FAM91A1: variants seen among roughly 807,000 people sequenced by gnomAD.
FAM91A1 encodes protein FAM91A1.
Under a neutral mutation model 113.5 loss-of-function variants are expected in FAM91A1, and 41 were observed. The ratio of observed to expected loss-of-function variants is 0.36; its 90% CI spans 0.28 to 0.47. The LOEUF (loss-of-function observed/expected upper bound fraction) is 0.47. FAM91A1 is among the 20% of genes least tolerant of loss of function. The probability of loss-of-function intolerance (pLI) is 1.00; values close to 1 mark genes in which losing one functional copy is unlikely to be tolerated. For synonymous variants in FAM91A1, 307 were observed against 347.9 expected, an observed-to-expected ratio of 0.88 and a Z score of 1.31; for missense variants, 696 against 1,001.2, an observed-to-expected ratio of 0.70 and a Z score of 4.11.
chr8:123,805,237 G>A (rs1386462904), intron 18 of FAM91A1, 30 bp from the exon 19 acceptor site: 4 of 1,558,888 alleles, frequency 2.6e-6, no homozygotes, highest in Non-Finnish European at 3.5e-6. Context: ...AAGGTTTCTT[G>A]TATACCTTTT....
intron 9 of FAM91A1, 132 bp downstream of exon 9, chr8:123,784,708 A>G (rs1432649050): frequency 2.3e-5 from 12 of 526,476 alleles, no homozygotes; most frequent in Non-Finnish European, 3.5e-5. Context: ...ATTACACTTA[A>G]ATGTCATTAT....
At chr8:123,770,914 C>G (rs1306215611) in intron 1 of FAM91A1, among the ~76,000 whole-genome samples, 1 of 152,168 alleles carries the variant, frequency 6.6e-6, no homozygotes, top group Non-Finnish European at 1.5e-5. Flanking sequence ...CTAGCCTAAT[C>G]ACTGCTTCCC....
chr8:123,789,545 T>C lies in FAM91A1; in HGVS notation c.1279-68T>C, dbSNP rs1378123208. The C allele has an allele frequency of 4.4e-6, 7 of 1,590,698 alleles. No homozygotes were observed. In the African/African-American group the frequency reaches 6.8e-5, roughly 15 times the overall value. ...TGAATAATGTCTTATATCTCTATTA[T>C]ATGATTATTAGAGTGAATGGCATAA... On this transcript the variant is annotated intron_variant, in intron 14 of 23. Coordinates refer to ENST00000334705, the MANE Select transcript of FAM91A1 (RefSeq NM_144963.4).
chr8:123,774,285 A>G lies in FAM91A1; in HGVS notation c.157+121A>G, dbSNP rs986195575. On this transcript the variant is annotated intron_variant, in intron 2 of 23. Coordinates refer to ENST00000334705, the MANE Select transcript of FAM91A1 (RefSeq NM_144963.4). ...TTATTCCATGTACAGACTTTAAGAA[A>G]CTCTACACTGATCCATTCCACCTAA... 7.3e-6 allele frequency: 5 copies of G among 682,870 alleles called. No individual in the cohort carries two copies. The African/African-American group carries it at 7.4e-5, about 10-fold the overall frequency. The allele number at this position is 682,870 out of a possible 1,614,324, so 42.3% of individuals were successfully genotyped here.
rs201772434 is a variant in FAM91A1 at position 123,814,706 on chromosome 8, A to G, written c.*2002A>G. On this transcript the variant is annotated 3_prime_UTR_variant, in exon 24 of 24. Transcript: ENST00000334705. The stretch of plus-strand genomic sequence containing the variant: ...CGAGCTGAAGACCTCTGGTCCTCTT[A>G]AGGAGGGAGAGTGCATTTTTAGAGC... 6.9e-6 allele frequency: 1 copy of G among 144,906 alleles called. No individual in the cohort carries two copies. The highest frequency in any genetic ancestry group is 1.6e-5 in the Non-Finnish European group (1 of 63,710). 9.0% of individuals were successfully genotyped at this position (144,906 alleles called of 1,614,324 possible).
At chr8:123,810,105 A>G (rs1347621886) in intron 22 of FAM91A1, among the ~76,000 whole-genome samples, 177 bp from the exon 23 acceptor site, 1 of 152,190 alleles carries the variant, frequency 6.6e-6, no homozygotes, top group African/African-American at 2.4e-5. Context: ...ACTACTCCCT[A>G]TTATTAAAAC....
intron 3 of FAM91A1, among the ~76,000 whole-genome samples, chr8:123,776,004 C>G (rs1038454809): frequency 6.6e-6 from 1 of 152,096 alleles, no homozygotes; most frequent in Non-Finnish European, 1.5e-5. Context: ...ATGTATTTAA[C>G]TATTCACTAA....
intron 15 of FAM91A1, 73 bp downstream of exon 15, chr8:123,789,818 C>A: frequency 6.6e-7 from 1 of 1,522,984 alleles, no homozygotes; most frequent in Non-Finnish European, 9.0e-7. Context: ...ACAGATCATG[C>A]TCACTTATAT....
Position 123,815,364 on chromosome 8 carries a change from T to C in FAM91A1, c.*2660T>C, listed in dbSNP as rs947435885. ...CTGTTAGGATGTTAATATTATACAA[T>C]GAAATCTATAAAGTGTTGTCAATTT... is the stretch of plus-strand genomic sequence containing the variant. On this transcript the variant is annotated 3_prime_UTR_variant, in exon 24 of 24. Coordinates refer to ENST00000334705, the MANE Select transcript of FAM91A1 (RefSeq NM_144963.4). 2.0e-5 allele frequency: 3 copies of C among 152,552 alleles called. No homozygotes were observed. The highest frequency in any genetic ancestry group is 4.8e-5 in the African/African-American group (2 of 41,434). The allele number at this position is 152,552 out of a possible 1,614,324, so 9.4% of individuals were successfully genotyped here. A position where few individuals can be genotyped will look rare whatever the true frequency, so the allele number is the denominator to read the frequency against.
At chr8:123,790,511 A>G (rs1016654148) in intron 15 of FAM91A1, among the ~76,000 whole-genome samples, 1 of 152,220 alleles carries the variant, frequency 6.6e-6, no homozygotes, top group South Asian at 2.1e-4. Flanking sequence ...TTGGGGCTTC[A>G]TGGGTCCTCA....
chr8:123,774,559 C>T (rs746084632), intron 2 of FAM91A1, among the ~76,000 whole-genome samples: 2 of 151,932 alleles, frequency 1.3e-5, no homozygotes, highest in African/African-American at 2.4e-5. Flanking sequence ...ACATTTTAAA[C>T]ATAGTTCATT....
chr8:123,798,645 T>G (rs551413128), intron 16 of FAM91A1, among the ~76,000 whole-genome samples: 1 of 152,300 alleles, frequency 6.6e-6, no homozygotes, highest in South Asian at 2.1e-4. Context: ...ACTGTATAAT[T>G]TATATGTGAA....
In FAM91A1 at chr8:123,789,743, A is replaced by G; in HGVS notation, c.1409A>G (p.Tyr470Cys). Residue 470 changes from tyrosine to cysteine, a missense_variant and splice_region_variant, in exon 15 of 24, where the codon TAT (tyrosine) becomes TGT (cysteine). Transcript: ENST00000334705. ...ACTGCACAGCCAGACCAACCCAATT[A>G]TGGTATGATAAATATATTTAATTTT... ...AQTAQPDQPN[Y>C]GFPLDLLRCE... 6.2e-7 allele frequency: 1 copy of G among 1,609,530 alleles called. No homozygotes were observed. Among genetic ancestry groups the G allele is most frequent in the Non-Finnish European group, 8.5e-7 (1 of 1,178,210 alleles).
chr8:123,768,876 C>A, intron 1 of FAM91A1, 102 bp downstream of exon 1: 1 of 1,200,208 alleles, frequency 8.3e-7, no homozygotes, highest in Non-Finnish European at 1.2e-6. Flanking sequence ...TGCCGGCTGA[C>A]TCCCTTCCTT....
At chr8:123,790,849 AT>A (rs979639100) in intron 15 of FAM91A1, among the ~76,000 whole-genome samples, 5 of 152,360 alleles carry the variant, frequency 3.3e-5, no homozygotes, top group African/African-American at 1.2e-4. Flanking sequence ...TCATTCATAA[AT>A]AGTTAAAACT....
rs78884567 is a variant in FAM91A1, at chr8:123,791,001, G to T, written c.1411+1256G>T. 3.6e-3 allele frequency among the ~76,000 whole-genome samples: 541 copies of T among 152,286 alleles called. 4 individuals are homozygous for T. Among genetic ancestry groups the T allele is most frequent in the African/African-American group, 0.013 (530 of 41,568 alleles). Reference sequence around the variant, plus strand: ...TGGCACAGTCTTGAGGATGTCTTTGGATATAAAACTCCTGGAATTTCTGGG... The same window carrying T: ...TGGCACAGTCTTGAGGATGTCTTTGTATATAAAACTCCTGGAATTTCTGGG... On this transcript the variant is annotated intron_variant, in intron 15 of 23. Transcript: ENST00000334705.
chr8:123,791,929 C>T (rs1285798041), intron 15 of FAM91A1, among the ~76,000 whole-genome samples: 1 of 152,158 alleles, frequency 6.6e-6, no homozygotes, highest in African/African-American at 2.4e-5. Context: ...ATTCCCAGCA[C>T]TTTGGGAGCT....
chr8:123,799,948 C>T (rs752773248), intron 18 of FAM91A1, 63 bp downstream of exon 18: 26 of 1,297,262 alleles, frequency 2.0e-5, no homozygotes, highest in Non-Finnish European at 2.8e-5. Context: ...TTCTAGCTTT[C>T]TATATTGAGT....
At chr8:123,785,007 A>T in intron 9 of FAM91A1, 74 bp from the exon 10 acceptor site, 1 of 1,094,830 alleles carries the variant, frequency 9.1e-7, no homozygotes, top group Non-Finnish European at 1.3e-6. Flanking sequence ...TTATGATTAT[A>T]TTGGTCTATT....
Sources: allele counts gnomAD v4.1 joint callset (sites outside exome capture counted in the v4.1 genomes callset), GRCh38; gene constraint gnomAD v4.1.1; transcripts MANE v1.5; gene names NCBI Gene and HGNC (gene_info 2026-07-23, HGNC 2026-07-21).